The following SEMA4B variants were observed in gnomAD, a reference collection of about 807,000 sequenced individuals.
SEMA4B encodes semaphorin-4B.
Under a neutral mutation model 88.1 loss-of-function variants are expected in SEMA4B, and 55 were observed. The ratio of observed to expected loss-of-function variants is 0.62; its 90% CI spans 0.50 to 0.78. The LOEUF is 0.78. Among genes scored for constraint, SEMA4B ranks in the 30% least tolerant of loss-of-function variants. The pLI, the probability that SEMA4B is intolerant of heterozygous loss-of-function variation, is 0.00. For synonymous variants in SEMA4B, 525 were observed against 473.6 expected (o/e 1.11, Z -1.41); for missense variants, 1,062 against 1,111.9 (o/e 0.96, Z 0.64).
chr15:90,224,947 C>G, intron 9 of SEMA4B, 21 bp from the exon 10 acceptor site: 2 of 1,609,958 alleles, frequency 1.2e-6, no homozygotes, highest in Non-Finnish European at 1.7e-6. Flanking sequence ...GCTGGCCTCA[C>G]ACTGCTGCTT....
chr15:90,224,814 A>T (rs1158864407), intron 9 of SEMA4B, among the ~76,000 whole-genome samples, 154 bp from the exon 10 acceptor site: 1 of 152,104 alleles, frequency 6.6e-6, no homozygotes, highest in Admixed American at 6.5e-5. Context: ...GCTCCCTCAG[A>T]TGTGCACACT....
intron 1 of SEMA4B, among the ~76,000 whole-genome samples, chr15:90,203,347 C>T (rs953755864): frequency 6.6e-5 from 10 of 152,146 alleles, no homozygotes; most frequent in African/African-American, 2.4e-4. Context: ...CTCCCTTTGC[C>T]CTCAGACCCT....
In SEMA4B at chr15:90,228,861, A is replaced by G. The variant is rs777450462; in HGVS notation, c.*218A>G. 324 of 616,328 alleles carry G rather than the reference A, an allele frequency of 5.3e-4. 1 individual carries two copies. Among genetic ancestry groups the G allele is most frequent in the Non-Finnish European group, 8.2e-4 (290 of 355,392 alleles). The allele number at this position is 616,328 out of a possible 1,614,324, so 38.2% of individuals were successfully genotyped here. On this transcript the variant is annotated 3_prime_UTR_variant, in exon 14 of 14. Coordinates refer to ENST00000411539, the MANE Select transcript of SEMA4B (RefSeq NM_198925.4). The stretch of plus-strand genomic sequence containing the variant: ...GCCGTGGCCCCAGAGGTCCTGGCCA[A>G]ATATGGGGGCCTGCCTAGGTTGGTG...
Position 90,225,809 on chromosome 15 carries a change from A to G in SEMA4B, c.1670A>G (p.Gln557Arg). ...GSSCKHVSLY[Q>R]PQLATRPWIQ... ...AGCTGCAAGCACGTCAGCCTCTACC[A>G]GCCTCAGCTGGCCACCAGGTGAGCA... Residue 557 changes from glutamine (Q) to arginine (R), a missense_variant, in exon 12 of 14, where the codon CAG (glutamine) becomes CGG (arginine). Coordinates refer to ENST00000411539, the MANE Select transcript of SEMA4B (RefSeq NM_198925.4). The G allele has an allele frequency of 3.9e-6, 6 of 1,544,090 alleles. No homozygotes were observed. Among genetic ancestry groups the G allele is most frequent in the Non-Finnish European group, 5.2e-6 (6 of 1,145,668 alleles).
chr15:90,228,733 G>A lies in SEMA4B; in HGVS notation c.*90G>A, dbSNP rs1486659066. On this transcript the variant is annotated 3_prime_UTR_variant, in exon 14 of 14. Transcript: ENST00000411539. Reference sequence around the variant, plus strand: ...GGACCTCCCCTCCGCTCTGCTCTTCGTGGAACACGACCGTGGTGCCCGGCC... The same window carrying A: ...GGACCTCCCCTCCGCTCTGCTCTTCATGGAACACGACCGTGGTGCCCGGCC... 10 of 1,540,516 alleles carry A rather than the reference G, an allele frequency of 6.5e-6. No homozygotes were observed. Among genetic ancestry groups the A allele is most frequent in the Non-Finnish European group, 7.9e-6 (9 of 1,134,770 alleles).
intron 4 of SEMA4B, among the ~76,000 whole-genome samples, chr15:90,220,632 G>C (rs1018176526): frequency 1.3e-5 from 2 of 151,948 alleles, no homozygotes; most frequent in Admixed American, 1.3e-4. Flanking sequence ...GCCTCCCAGA[G>C]TGCTGGGATT....
rs916306656 is a variant in SEMA4B, at chr15:90,228,334, C to T, written c.2205C>T (p.Phe735=). Residue 735 remains phenylalanine (F), a synonymous_variant, in exon 14 of 14, where the codon TTC becomes TTT. Coordinates refer to ENST00000411539, the MANE Select transcript of SEMA4B (RefSeq NM_198925.4). ...FVLAVLLPVL[F]LLYRHRNSMK... Reference sequence around the variant, plus strand: ...TGGCCGTGCTGCTCCCAGTTTTATTCTTGCTCTACCGGCACCGGAACAGCA... The same window carrying T: ...TGGCCGTGCTGCTCCCAGTTTTATTTTTGCTCTACCGGCACCGGAACAGCA... 2 of 1,600,532 alleles carry T rather than the reference C, an allele frequency of 1.2e-6. No homozygotes were observed. The highest frequency in any genetic ancestry group is 1.7e-6 in the Non-Finnish European group (2 of 1,172,938).
intron 12 of SEMA4B, among the ~76,000 whole-genome samples, chr15:90,226,830 T>C (rs1483808554): frequency 6.6e-6 from 1 of 152,154 alleles, no homozygotes; most frequent in African/African-American, 2.4e-5. Flanking sequence ...TTGTAGTGTT[T>C]TCATCCTTCG....
At chr15:90,188,488 C>T (rs946177106) in intron 1 of SEMA4B, among the ~76,000 whole-genome samples, 1 of 151,860 alleles carries the variant, frequency 6.6e-6, no homozygotes, top group African/African-American at 2.4e-5. Flanking sequence ...ATTAGCCAGG[C>T]ATGGTGGCGC....
At chr15:90,216,618 C>T (rs1961544972) in intron 1 of SEMA4B, among the ~76,000 whole-genome samples, 1 of 152,138 alleles carries the variant, frequency 6.6e-6, no homozygotes, top group Non-Finnish European at 1.5e-5. Context: ...CTGACGCGGG[C>T]AGATCACTTG....
In SEMA4B at chr15:90,185,004, G is replaced by A. The variant is rs113705961; in HGVS notation, c.-199G>A. The A allele has an allele frequency of 5.7e-3, 5,635 of 985,756 alleles. 24 individuals are homozygous for A. The highest frequency in any genetic ancestry group is 6.4e-3 in the Non-Finnish European group (5,286 of 830,190). The allele number at this position is 985,756 out of a possible 1,614,324, so 61.1% of individuals were successfully genotyped here. A position where few individuals can be genotyped will look rare whatever the true frequency, so the allele number is the denominator to read the frequency against. On this transcript the variant is annotated 5_prime_UTR_variant, in exon 1 of 15. Coordinates refer to the SEMA4B transcript ENST00000332496. ...GCTGCGCCGGGCCGGCCTGGCAAGG[G>A]GGACGAGTCAGTGGACACTCCAGGA...
In SEMA4B at chr15:90,229,116, CTG is replaced by C. The variant is rs1962368444; in HGVS notation, c.*475_*476del. On this transcript the variant is annotated 3_prime_UTR_variant, in exon 14 of 14. Transcript: ENST00000411539. ...CATTATCCCGCTGCCACCGGCTGCC[CTG>C]TCTCACTGCAGATTCAGGACCAGCT... The C allele has an allele frequency of 5.6e-6, 2 of 355,722 alleles. No individual in the cohort carries two copies. Among genetic ancestry groups the C allele is most frequent in the South Asian group, 4.2e-5 (2 of 48,134 alleles). The allele number at this position is 355,722 out of a possible 1,614,324, so 22.0% of individuals were successfully genotyped here.
At chr15:90,221,196 CA>C (rs1182854561) in intron 5 of SEMA4B, 103 bp downstream of exon 5, 2 of 1,121,294 alleles carry the variant, frequency 1.8e-6, no homozygotes, top group South Asian at 1.3e-5. Flanking sequence ...TGCTTATTTC[CA>C]AGGGGACAGA....
chr15:90,228,703 C>T lies in SEMA4B; in HGVS notation c.*60C>T. The T allele has an allele frequency of 6.3e-7, 1 of 1,598,270 alleles. No homozygotes were observed. The highest frequency in any genetic ancestry group is 8.5e-7 in the Non-Finnish European group (1 of 1,171,506). On this transcript the variant is annotated 3_prime_UTR_variant, in exon 14 of 14. Coordinates refer to ENST00000411539, the MANE Select transcript of SEMA4B (RefSeq NM_198925.4). ...GGGGCTGTGAATGCTCGGAGAGGGT[C>T]AACTGGACCTCCCCTCCGCTCTGCT...
Position 90,225,732 on chromosome 15 carries a change from C to T in SEMA4B, c.1593C>T (p.Ser531=), listed in dbSNP as rs1379211072. Residue 531 remains serine, a synonymous_variant, in exon 12 of 14, where the codon AGC becomes AGT. Transcript: ENST00000411539. ...VPMANCSLYR[S]CGDCLLARDP... Reference sequence around the variant, plus strand: ...TGGCCAACTGCAGCCTGTACAGGAGCTGTGGGGACTGCCTCCTCGCCCGGG... The same window carrying T: ...TGGCCAACTGCAGCCTGTACAGGAGTTGTGGGGACTGCCTCCTCGCCCGGG... 3 of 1,573,136 alleles carry T rather than the reference C, an allele frequency of 1.9e-6. No individual in the cohort carries two copies. Among genetic ancestry groups the T allele is most frequent in the Middle Eastern group, 1.7e-4 (1 of 6,016 alleles).
In SEMA4B at chr15:90,221,839, C is replaced by A. The variant is rs1230079577; in HGVS notation, c.861+74C>A. On this transcript the variant is annotated intron_variant, in intron 7 of 13. Coordinates refer to ENST00000411539, the MANE Select transcript of SEMA4B (RefSeq NM_198925.4). Reference sequence around the variant, plus strand: ...TCCACAGCTGCAAGATCACCCACATCCATGCATGGCCTTTCCCATCCCGCC... The same window carrying A: ...TCCACAGCTGCAAGATCACCCACATACATGCATGGCCTTTCCCATCCCGCC... 3 of 1,417,186 alleles carry A rather than the reference C, an allele frequency of 2.1e-6. No homozygotes were observed. In the African/African-American group the frequency reaches 5.4e-5, roughly 25 times the overall value. The allele number at this position is 1,417,186 out of a possible 1,614,324, so 87.8% of individuals were successfully genotyped here.
At chr15:90,222,664 G>A (rs765072909) in intron 7 of SEMA4B, among the ~76,000 whole-genome samples, 4 of 152,094 alleles carry the variant, frequency 2.6e-5, no homozygotes, top group Non-Finnish European at 4.4e-5. Context: ...AGACCCTGGA[G>A]GCCAACTGCC....
chr15:90,196,766 C>T (rs1222118402), upstream of SEMA4B, among the ~76,000 whole-genome samples: 1 of 152,180 alleles, frequency 6.6e-6, no homozygotes, highest in Non-Finnish European at 1.5e-5. Context: ...GGATTACAGG[C>T]GTGAGCCACT....
chr15:90,192,415 G>A (rs1280310897), intron 1 of SEMA4B, among the ~76,000 whole-genome samples: 4 of 152,238 alleles, frequency 2.6e-5, no homozygotes, highest in African/African-American at 7.2e-5. Context: ...TGTACCCATG[G>A]ATGATTAATG....
Sources: allele counts gnomAD v4.1 joint callset (sites outside exome capture counted in the v4.1 genomes callset), GRCh38; gene constraint gnomAD v4.1.1; transcripts MANE v1.5; gene names NCBI Gene and HGNC (gene_info 2026-07-23, HGNC 2026-07-21).